ACOT7: variants seen among roughly 807,000 people sequenced by gnomAD.
The protein encoded by ACOT7 is acyl-CoA thioesterase 7.
Under a neutral mutation model 40.2 loss-of-function variants are expected in ACOT7, and 12 were observed. That is an observed-to-expected ratio of 0.30 (90% CI 0.19 to 0.48). The LOEUF (loss-of-function observed/expected upper bound fraction) is 0.48, where lower values mean the gene tolerates loss of function less well. Ranked by LOEUF, ACOT7 falls within the 20% of genes least tolerant of loss-of-function variation. The pLI, the probability that ACOT7 is intolerant of heterozygous loss-of-function variation, is 0.99. For synonymous variants in ACOT7, 228 were observed against 219.5 expected (o/e 1.04, Z -0.34); for missense variants, 395 against 530.8 (o/e 0.74, Z 2.51).
In ACOT7 at chr1:6,352,015, C is replaced by G. The variant is rs968335823; in HGVS notation, c.144-2149G>C. 1.3e-5 allele frequency among the ~76,000 whole-genome samples: 2 copies of G among 152,166 alleles called. No homozygotes were observed. The highest frequency in any genetic ancestry group is 2.9e-5 in the Non-Finnish European group (2 of 68,030). On this transcript the variant is annotated intron_variant, in intron 1 of 8. Coordinates refer to ENST00000361521, the MANE Select transcript of ACOT7 (RefSeq NM_007274.4). The surrounding 1 kb of genome is among the most constrained non-coding windows in gnomAD (Gnocchi z 4.5). The stretch of plus-strand genomic sequence containing the variant: ...AGTACATGCCAGGAACTGCAGACCG[C>G]ACGCCAGCTGGCTACCACGGGCCTG...
At chr1:6,285,181 G>A (rs1014828290) in intron 7 of ACOT7, among the ~76,000 whole-genome samples, 30 of 152,218 alleles carry the variant, frequency 2.0e-4, no homozygotes, top group African/African-American at 6.0e-4. Context: ...GGGCTGGGGT[G>A]TGGGTCACAT....
intron 8 of ACOT7, among the ~76,000 whole-genome samples, chr1:6,269,583 G>T (rs1298150117): frequency 3.3e-5 from 5 of 152,260 alleles, no homozygotes; most frequent in South Asian, 2.1e-4. Flanking sequence ...TCATTCTCAG[G>T]GTCGGCTCCA....
chr1:6,311,454 C>T lies in ACOT7; in HGVS notation c.712+7038G>A, dbSNP rs190439598. Among the ~76,000 whole-genome samples the T allele has an allele frequency of 1.4e-3, 206 of 152,262 alleles. No homozygotes were observed. The highest frequency in any genetic ancestry group is 4.8e-3 in the African/African-American group (199 of 41,558). On this transcript the variant is annotated intron_variant, in intron 6 of 8. Transcript: ENST00000361521. The surrounding 1 kb of genome is among the most constrained non-coding windows in gnomAD (Gnocchi z 5.2). Reference sequence around the variant, plus strand: ...AAAGGTGCGGTGTTGGGGGTGCCAGCCGGGTCAGTTCCCCCAACAAAACCG... The same window carrying T: ...AAAGGTGCGGTGTTGGGGGTGCCAGTCGGGTCAGTTCCCCCAACAAAACCG...
At chr1:6,269,389 G>A (rs1427812136) in intron 8 of ACOT7, among the ~76,000 whole-genome samples, 5 of 152,226 alleles carry the variant, frequency 3.3e-5, no homozygotes, top group Non-Finnish European at 7.3e-5. Context: ...TGCTGAGCTT[G>A]GCCTCCCCCA....
At chr1:6,293,941 CG>C (rs1557636014) in intron 7 of ACOT7, among the ~76,000 whole-genome samples, 1 of 152,186 alleles carries the variant, frequency 6.6e-6, no homozygotes, top group Non-Finnish European at 1.5e-5. Flanking sequence ...CTGGGCTACC[CG>C]GGGCCTGGGA....
chr1:6,341,625 C>T (rs1289549895), intron 2 of ACOT7, among the ~76,000 whole-genome samples: 1 of 152,088 alleles, frequency 6.6e-6, no homozygotes, highest in Non-Finnish European at 1.5e-5. Context: ...GCCTGTAGTC[C>T]CAGTTACTCG....
chr1:6,282,719 C>T lies in ACOT7; in HGVS notation c.830-1433G>A. 12 of 1,303,994 alleles carry T rather than the reference C, an allele frequency of 9.2e-6. No individual in the cohort carries two copies. Among genetic ancestry groups the T allele is most frequent in the Non-Finnish European group, 1.1e-5 (11 of 988,746 alleles). The allele number at this position is 1,303,994 out of a possible 1,614,324, so 80.8% of individuals were successfully genotyped here. ...GATCCATGCTACATTCAACTTCATA[C>T]TTACAGGGAGCACTTCGTGCCAGTG... On this transcript the variant is annotated intron_variant, in intron 7 of 8. Coordinates refer to ENST00000361521, the MANE Select transcript of ACOT7 (RefSeq NM_007274.4). The surrounding 1 kb of genome is among the most constrained non-coding windows in gnomAD (Gnocchi z 4.5).
chr1:6,314,319 A>G lies in ACOT7; in HGVS notation c.712+4173T>C, dbSNP rs573969035. Among the ~76,000 whole-genome samples the G allele has an allele frequency of 6.6e-5, 10 of 152,300 alleles. No homozygotes were observed. In the East Asian group the frequency reaches 1.7e-3, roughly 26 times the overall value. On this transcript the variant is annotated intron_variant, in intron 6 of 8. Transcript: ENST00000361521. ...AATCAGAAACAGGAGCTACCCCTGC[A>G]GGAGCGATGGGAGGAAGAGAGACCC... is the stretch of plus-strand genomic sequence containing the variant.
chr1:6,323,387 C>T (rs1425179906), intron 5 of ACOT7, among the ~76,000 whole-genome samples: 2 of 152,100 alleles, frequency 1.3e-5, no homozygotes, highest in East Asian at 3.9e-4. Context: ...TGCCAGCTGT[C>T]CTGGGCAGGG....
intron 4 of ACOT7, among the ~76,000 whole-genome samples, chr1:6,331,992 C>T (rs779015045): frequency 3.3e-5 from 5 of 152,162 alleles, no homozygotes; most frequent in Non-Finnish European, 4.4e-5. Flanking sequence ...CGGGGGGCCA[C>T]GGGAAGATGG....
chr1:6,361,337 G>A (rs1334167102), intron 1 of ACOT7, among the ~76,000 whole-genome samples: 1 of 152,204 alleles, frequency 6.6e-6, no homozygotes, highest in Non-Finnish European at 1.5e-5. Flanking sequence ...GAGGGGAAAT[G>A]GGAGTGACTG....
chr1:6,344,084 G>T (rs1641351213), intron 2 of ACOT7, among the ~76,000 whole-genome samples: 2 of 152,232 alleles, frequency 1.3e-5, no homozygotes, highest in Admixed American at 6.5e-5. Flanking sequence ...GAGGTAGGGG[G>T]AGCGTTGGTA....
At chr1:6,370,473 T>TATC (rs1389656705) in intron 1 of ACOT7, among the ~76,000 whole-genome samples, 1 of 102,404 alleles carries the variant, frequency 9.8e-6, no homozygotes, top group Non-Finnish European at 2.0e-5. Context: ...TTATTATTAT[T>TATC]ATTATTATTA....
intron 4 of ACOT7, among the ~76,000 whole-genome samples, chr1:6,333,274 G>A (rs1641010301): frequency 6.6e-6 from 1 of 152,244 alleles, no homozygotes; most frequent in Non-Finnish European, 1.5e-5. Flanking sequence ...TTCCTCGGAG[G>A]CAGGACAGAA....
chr1:6,337,609 G>A (rs992543657), intron 3 of ACOT7, among the ~76,000 whole-genome samples: 8 of 152,110 alleles, frequency 5.3e-5, no homozygotes, highest in Non-Finnish European at 1.2e-4. Context: ...TCTCTGCTGT[G>A]GGGACAGCGG....
Position 6,306,345 on chromosome 1 carries a change from G to A in ACOT7, c.713-11365C>T, listed in dbSNP as rs182854149. 47 of 985,376 alleles carry A rather than the reference G, an allele frequency of 4.8e-5. No individual in the cohort carries two copies. Among genetic ancestry groups the A allele is most frequent in the Non-Finnish European group, 5.1e-5 (42 of 829,918 alleles). 61.0% of individuals were successfully genotyped at this position (985,376 alleles called of 1,614,324 possible). A position where few individuals can be genotyped will look rare whatever the true frequency, so the allele number is the denominator to read the frequency against. ...ATGACGTGCTGGCCACCAGGGACCC[G>A]GCTGAGAGGAGGACCCAGTGTGGGC... On this transcript the variant is annotated intron_variant, in intron 6 of 8. Coordinates refer to ENST00000361521, the MANE Select transcript of ACOT7 (RefSeq NM_007274.4). This position sits in a 1 kb window ranked among gnomAD's most constrained non-coding sequence, Gnocchi z 4.3.
At chr1:6,364,950 G>A (rs1003548834) in intron 1 of ACOT7, among the ~76,000 whole-genome samples, 17 of 151,938 alleles carry the variant, frequency 1.1e-4, no homozygotes, top group African/African-American at 3.6e-4. Flanking sequence ...TTAAACCCGG[G>A]AGGCAGAGGT....
At chr1:6,322,286 A>G (rs924306449) in intron 5 of ACOT7, among the ~76,000 whole-genome samples, 2 of 152,268 alleles carry the variant, frequency 1.3e-5, no homozygotes, top group South Asian at 2.1e-4. Flanking sequence ...GCTTTTTGGG[A>G]GGAGCTCCTC....
rs948776744 is a variant in ACOT7 at position 6,352,684 on chromosome 1, T to C, written c.144-2818A>G. 6.6e-6 allele frequency among the ~76,000 whole-genome samples: 1 copy of C among 151,420 alleles called. No homozygotes were observed. Among genetic ancestry groups the C allele is most frequent in the African/African-American group, 2.4e-5 (1 of 41,148 alleles). On this transcript the variant is annotated intron_variant, in intron 1 of 8. Transcript: ENST00000361521. The surrounding 1 kb of genome is among the most constrained non-coding windows in gnomAD (Gnocchi z 4.5). ...TTGGCTCACCGCAAGCTCCGCCTCC[T>C]GGGTTCTCCTGCCTCAGCCTCCCGA...
Sources: allele counts gnomAD v4.1 joint callset (sites outside exome capture counted in the v4.1 genomes callset), GRCh38; gene constraint gnomAD v4.1.1; non-coding constraint Gnocchi (gnomAD v3.1); transcripts MANE v1.5; gene names NCBI Gene and HGNC (gene_info 2026-07-23, HGNC 2026-07-21).